KIF13B: variants seen among roughly 807,000 people sequenced by gnomAD.
The protein encoded by KIF13B is kinesin-like protein KIF13B.
KIF13B carries 127 observed loss-of-function variants against 222.0 expected under a neutral mutation model. The ratio of observed to expected loss-of-function variants is 0.57; its 90% CI spans 0.50 to 0.66. The LOEUF is 0.66. Among genes scored for constraint, KIF13B ranks in the 30% least tolerant of loss-of-function variants. KIF13B has a pLI of 0.00. For synonymous variants in KIF13B, 976 were observed against 919.0 expected (o/e 1.06, Z -1.12); for missense variants, 2,173 against 2,379.0 (o/e 0.91, Z 1.80).
chr8:29,080,327 C>CAAA (rs5890439), intron 37 of KIF13B, among the ~76,000 whole-genome samples: 1,526 of 65,002 alleles, frequency 0.023, 62 homozygotes, highest in African/African-American at 0.03. Context: ...GACCCAGTCT[C>CAAA]AAAAAAAAAA....
chr8:29,221,190 C>A (rs1162023639), intron 2 of KIF13B, among the ~76,000 whole-genome samples: 1 of 150,116 alleles, frequency 6.7e-6, no homozygotes, highest in East Asian at 2.0e-4. Context: ...GCAACCTCCA[C>A]CCCCCAGGTT....
Position 29,250,045 on chromosome 8 carries a change from A to C in KIF13B, c.56-4606T>G. ...TTTCTTAAAACCACTGCTTAATGGAATCTGACCATATTGTATCAGCTGGCT... is the reference window on the plus strand; with the variant it reads ...TTTCTTAAAACCACTGCTTAATGGACTCTGACCATATTGTATCAGCTGGCT... On this transcript the variant is annotated intron_variant, in intron 1 of 39. Coordinates refer to ENST00000524189, the MANE Select transcript of KIF13B (RefSeq NM_015254.4). The C allele has an allele frequency of 3.1e-6, 4 of 1,289,090 alleles. No homozygotes were observed. In the South Asian group the frequency reaches 4.9e-5, roughly 16 times the overall value. The allele number at this position is 1,289,090 out of a possible 1,614,324, so 79.9% of individuals were successfully genotyped here.
In KIF13B at chr8:29,194,286, T is replaced by C. The variant is rs568223331; in HGVS notation, c.162+1901A>G. 3.0e-5 allele frequency among the ~76,000 whole-genome samples: 3 copies of C among 98,404 alleles called. No individual in the cohort carries two copies. In the East Asian group the frequency reaches 6.4e-4, roughly 21 times the overall value. The allele number at this position is 98,404 out of a possible 152,430, so 64.6% of individuals were successfully genotyped here. The stretch of plus-strand genomic sequence containing the variant: ...AATGGCACTCTCCTCTCCATTATTA[T>C]TGGGTTTTTTTTTTTTTTTTACTTG... On this transcript the variant is annotated intron_variant, in intron 3 of 39. Transcript: ENST00000524189.
chr8:29,100,807 C>CT (rs1156907157), intron 35 of KIF13B, among the ~76,000 whole-genome samples: 1 of 152,132 alleles, frequency 6.6e-6, no homozygotes, highest in Admixed American at 6.5e-5. Context: ...CTCCACTGCT[C>CT]TTGAAGATGG....
At chr8:29,151,288 A>T (rs1368581973) in intron 14 of KIF13B, among the ~76,000 whole-genome samples, 1 of 152,218 alleles carries the variant, frequency 6.6e-6, no homozygotes, top group Non-Finnish European at 1.5e-5. Context: ...TCGGTTCATG[A>T]GGTTTAAGGA....
In KIF13B at chr8:29,180,306, C is replaced by A; in HGVS notation, c.586-68G>T. ...TAATACACACTAAAATCCTGCTATACTACAAAATTCATTGCAAGTTTTGCT... is the reference window on the plus strand; with the variant it reads ...TAATACACACTAAAATCCTGCTATAATACAAAATTCATTGCAAGTTTTGCT... On this transcript the variant is annotated intron_variant, in intron 7 of 39. Coordinates refer to ENST00000524189, the MANE Select transcript of KIF13B (RefSeq NM_015254.4). 2.0e-6 allele frequency: 3 copies of A among 1,491,436 alleles called. No homozygotes were observed. In the South Asian group the frequency reaches 3.5e-5, roughly 17 times the overall value. The allele number at this position is 1,491,436 out of a possible 1,614,324, so 92.4% of individuals were successfully genotyped here.
At chr8:29,133,525 G>A (rs1586822655) in intron 22 of KIF13B, among the ~76,000 whole-genome samples, 1 of 152,070 alleles carries the variant, frequency 6.6e-6, no homozygotes, top group Non-Finnish European at 1.5e-5. Context: ...CAGGAGGCAG[G>A]GGTTGCAGTG....
chr8:29,207,500 G>A (rs1814005472), intron 2 of KIF13B, among the ~76,000 whole-genome samples: 1 of 152,022 alleles, frequency 6.6e-6, no homozygotes, highest in Admixed American at 6.6e-5. Context: ...CTTATTGGAC[G>A]TGACATGAAA....
At position 29,221,097 on chromosome 8, in the gene KIF13B, CTTTTTT is replaced by C. The variant is rs60915605; in HGVS notation, c.149+24243_149+24248del. The stretch of plus-strand genomic sequence containing the variant: ...AGCTGAGGCTGCAGTGAGCTGTGTT[CTTTTTT>C]TTTTTTTTTTTTTTTTTGAGATGGA... On this transcript the variant is annotated intron_variant, in intron 2 of 39. Transcript: ENST00000524189. Among the ~76,000 whole-genome samples, 76 of 112,714 alleles carry C rather than the reference CTTTTTT, an allele frequency of 6.7e-4. 1 individual carries two copies. Among genetic ancestry groups the C allele is most frequent in the South Asian group, 3.7e-3 (13 of 3,492 alleles). The allele number at this position is 112,714 out of a possible 152,430, so 73.9% of individuals were successfully genotyped here.
chr8:29,251,604 T>C (rs375583082), intron 1 of KIF13B, among the ~76,000 whole-genome samples: 8 of 151,716 alleles, frequency 5.3e-5, no homozygotes, highest in East Asian at 3.9e-4. Flanking sequence ...TTATGAGGGG[T>C]TGGGGGAAAA....
chr8:29,169,285 T>A (rs1359379401), intron 10 of KIF13B, among the ~76,000 whole-genome samples: 3 of 152,334 alleles, frequency 2.0e-5, no homozygotes, highest in Non-Finnish European at 2.9e-5. Context: ...CAATGGAGGT[T>A]AAATCTTGCA....
rs1435391766 is a variant in KIF13B at position 29,071,275 on chromosome 8, A to G, written c.5218+345T>C. ...ATGGGGTGAGGAAGAGCCTCCTGGA[A>G]CGGCAAAGGGGAGATGCTCTAAGGT... On this transcript the variant is annotated intron_variant, in intron 39 of 39. Transcript: ENST00000524189. This position sits in a 1 kb window ranked among gnomAD's most constrained non-coding sequence, Gnocchi z 4.9. Among the ~76,000 whole-genome samples, 2 of 152,106 alleles carry G rather than the reference A, an allele frequency of 1.3e-5. No homozygotes were observed. The highest frequency in any genetic ancestry group is 2.9e-5 in the Non-Finnish European group (2 of 68,004).
chr8:29,105,789 G>T (rs563223213), intron 35 of KIF13B, among the ~76,000 whole-genome samples: 10 of 150,604 alleles, frequency 6.6e-5, no homozygotes, highest in South Asian at 6.3e-4. Flanking sequence ...CTTCCGAGTA[G>T]CTGGGATTAC....
Position 29,069,610 on chromosome 8 carries a change from C to G in KIF13B, c.*894G>C, listed in dbSNP as rs746307969. 6.6e-6 allele frequency: 1 copy of G among 152,296 alleles called. No homozygotes were observed. The highest frequency in any genetic ancestry group is 1.5e-5 in the Non-Finnish European group (1 of 68,096). 9.4% of individuals were successfully genotyped at this position (152,296 alleles called of 1,614,324 possible). On this transcript the variant is annotated 3_prime_UTR_variant, in exon 40 of 40. Transcript: ENST00000524189. ...AGGGGGCTTTATCCTCTGCCGTCCC[C>G]AGGACCCTCCACCTGGGCAGGAGGC...
At chr8:29,250,241 T>C (rs1816222089) in intron 1 of KIF13B, among the ~76,000 whole-genome samples, 1 of 152,170 alleles carries the variant, frequency 6.6e-6, no homozygotes, top group Admixed American at 6.5e-5. Flanking sequence ...AACGCAGGCC[T>C]GAAAAAAATG....
rs143401080 is a variant in KIF13B at position 29,132,515 on chromosome 8, T to C, written c.2785-50A>G. On this transcript the variant is annotated intron_variant, in intron 22 of 39. Coordinates refer to ENST00000524189, the MANE Select transcript of KIF13B (RefSeq NM_015254.4). The stretch of plus-strand genomic sequence containing the variant: ...AAGAGCAAACTCTTTCTGGTAATCT[T>C]ATGATTGTTTATACCAGACATCACA... 6.8e-3 allele frequency: 8,136 copies of C among 1,201,318 alleles called. 48 individuals carry two copies. Among genetic ancestry groups the C allele is most frequent in the African/African-American group, 0.022 (1,409 of 64,030 alleles). The allele number at this position is 1,201,318 out of a possible 1,614,324, so 74.4% of individuals were successfully genotyped here. A position where few individuals can be genotyped will look rare whatever the true frequency, so the allele number is the denominator to read the frequency against.
intron 17 of KIF13B, 70 bp downstream of exon 17, chr8:29,147,322 A>C (rs1811099421): frequency 1.3e-5 from 15 of 1,117,584 alleles, no homozygotes; most frequent in Non-Finnish European, 1.9e-5. Flanking sequence ...CCCATTTGAC[A>C]CTTTCCCTAG....
intron 32 of KIF13B, 95 bp downstream of exon 32, chr8:29,113,368 T>A (rs1427465366): frequency 6.1e-6 from 4 of 655,486 alleles, no homozygotes; most frequent in South Asian, 2.1e-5. Flanking sequence ...ACATACACTT[T>A]CACTTCATAT....
intron 1 of KIF13B, among the ~76,000 whole-genome samples, chr8:29,260,458 T>C (rs1439599065): frequency 6.6e-6 from 1 of 152,208 alleles, no homozygotes; most frequent in African/African-American, 2.4e-5. Context: ...ATAGAAACTA[T>C]TAGGACTCAA....
Sources: gnomAD v4.1 joint callset for allele counts (sites outside exome capture counted in the v4.1 genomes callset) on GRCh38, gnomAD v4.1.1 for gene constraint, Gnocchi (gnomAD v3.1) non-coding constraint, MANE v1.5 for transcripts, NCBI Gene and HGNC (gene_info 2026-07-23, HGNC 2026-07-21) for gene names.